CACNA1D: variants seen among roughly 807,000 people sequenced by gnomAD.
CACNA1D encodes voltage-dependent L-type calcium channel subunit alpha-1D.
Under a neutral mutation model 257.1 loss-of-function variants are expected in CACNA1D, and 55 were observed. The ratio of observed to expected loss-of-function variants is 0.21; its 90% CI spans 0.17 to 0.27. The LOEUF (loss-of-function observed/expected upper bound fraction) is 0.27, where lower values mean the gene tolerates loss of function less well. Ranked by LOEUF, CACNA1D falls within the 10% of genes least tolerant of loss-of-function variation. The pLI is 1.00. For missense variants in CACNA1D, 1,876 were observed against 2,784.0 expected (o/e 0.67, Z 7.34); for synonymous variants, 980 against 1,014.9 (o/e 0.97, Z 0.65).
chr3:53,631,187 C>T (rs1001670183), intron 3 of CACNA1D, among the ~76,000 whole-genome samples: 1 of 152,184 alleles, frequency 6.6e-6, no homozygotes, highest in Admixed American at 6.5e-5. Context: ...TGCTGTTTGA[C>T]CGCATTTTAC....
chr3:53,707,794 T>A (rs2094706274), intron 9 of CACNA1D, among the ~76,000 whole-genome samples: 1 of 146,962 alleles, frequency 6.8e-6, no homozygotes, highest in Non-Finnish European at 1.5e-5. Context: ...TGATTAGTCT[T>A]AAAAAAAAAA....
At chr3:53,635,932 G>C (rs942615038) in intron 3 of CACNA1D, among the ~76,000 whole-genome samples, 13 of 152,164 alleles carry the variant, frequency 8.5e-5, no homozygotes, top group African/African-American at 2.9e-4. Flanking sequence ...TAGCTGGAGA[G>C]ACTGTCCTTG....
At chr3:53,572,791 GTC>G (rs756209534) in intron 3 of CACNA1D, among the ~76,000 whole-genome samples, 88 of 152,266 alleles carry the variant, frequency 5.8e-4, no homozygotes, top group Admixed American at 1.2e-3. Flanking sequence ...TGTGCCTCCA[GTC>G]TCTTCTCCAC....
chr3:53,614,412 A>G (rs1365888046), intron 3 of CACNA1D, among the ~76,000 whole-genome samples: 1 of 152,116 alleles, frequency 6.6e-6, no homozygotes, highest in Non-Finnish European at 1.5e-5. Context: ...GAGGCGCTCC[A>G]TTTAGAAACT....
chr3:53,516,309 G>A (rs1224848933), intron 3 of CACNA1D, among the ~76,000 whole-genome samples: 5 of 152,206 alleles, frequency 3.3e-5, no homozygotes, highest in African/African-American at 9.6e-5. Context: ...CAGTCACACG[G>A]CACACCTGTT....
chr3:53,719,247 T>A (rs955499285), intron 10 of CACNA1D, among the ~76,000 whole-genome samples: 1 of 152,210 alleles, frequency 6.6e-6, no homozygotes, highest in Admixed American at 6.5e-5. Flanking sequence ...TGAAGTGATT[T>A]TGCCTCCATT....
chr3:53,526,294 T>C (rs9311502), intron 3 of CACNA1D, among the ~76,000 whole-genome samples: 47,622 of 152,070 alleles, frequency 0.31, 8,688 homozygotes, highest in African/African-American at 0.51. Context: ...GTATTGGTTA[T>C]TGGGGAAAGG....
chr3:53,780,235 G>T, intron 38 of CACNA1D, 107 bp downstream of exon 38: 1 of 894,868 alleles, frequency 1.1e-6, no homozygotes, highest in Non-Finnish European at 1.9e-6. Flanking sequence ...GGAGGCCCTG[G>T]GGAAGGGGCT....
At chr3:53,633,216 G>A (rs966213226) in intron 3 of CACNA1D, among the ~76,000 whole-genome samples, 1 of 152,326 alleles carries the variant, frequency 6.6e-6, no homozygotes, top group Admixed American at 6.5e-5. Context: ...GCAAGGGCTG[G>A]GTGTGGTGGC....
At chr3:53,562,164 A>G (rs1446889629) in intron 3 of CACNA1D, among the ~76,000 whole-genome samples, 1 of 152,218 alleles carries the variant, frequency 6.6e-6, no homozygotes, top group Non-Finnish European at 1.5e-5. Flanking sequence ...GAGAGTATTT[A>G]GAAATCTGTG....
intron 43 of CACNA1D, 142 bp downstream of exon 43, chr3:53,802,315 GT>G: frequency 2.5e-6 from 2 of 796,630 alleles, no homozygotes; most frequent in South Asian, 2.8e-5. Context: ...GGACTCAGAG[GT>G]CAGAGGTTGT....
rs1356852729 is a variant in CACNA1D, at chr3:53,812,282, A to G, written c.*876A>G. On this transcript the variant is annotated 3_prime_UTR_variant, in exon 48 of 48. Transcript: ENST00000350061. Reference sequence around the variant, plus strand: ...GTCCTAATAATTGTAGTTCCCCACTAAAATCTAGAAATTATTAGTATTTTT... The same window carrying G: ...GTCCTAATAATTGTAGTTCCCCACTGAAATCTAGAAATTATTAGTATTTTT... 6.6e-6 allele frequency: 1 copy of G among 152,236 alleles called. No homozygotes were observed. Among genetic ancestry groups the G allele is most frequent in the Non-Finnish European group, 1.5e-5 (1 of 68,036 alleles). 9.4% of individuals were successfully genotyped at this position (152,236 alleles called of 1,614,324 possible).
chr3:53,498,082 G>A (rs1450193439), intron 2 of CACNA1D, among the ~76,000 whole-genome samples: 3 of 152,130 alleles, frequency 2.0e-5, no homozygotes, highest in Non-Finnish European at 2.9e-5. Flanking sequence ...TAACTTCCTG[G>A]AATTTCCTTT....
intron 5 of CACNA1D, among the ~76,000 whole-genome samples, chr3:53,664,924 T>G (rs1192891945): frequency 6.6e-6 from 1 of 152,228 alleles, no homozygotes; most frequent in African/African-American, 2.4e-5. Flanking sequence ...GGAGTTGTTG[T>G]CGGTCAGCAG....
intron 37 of CACNA1D, 151 bp from the exon 38 acceptor site, chr3:53,779,875 C>A: frequency 2.9e-6 from 2 of 680,714 alleles, no homozygotes; most frequent in Non-Finnish European, 2.7e-6. Flanking sequence ...CCTAAATTAA[C>A]CATCATATGC....
intron 27 of CACNA1D, 36 bp downstream of exon 27, chr3:53,749,505 G>T (rs201364354): frequency 5.5e-6 from 8 of 1,454,094 alleles, no homozygotes; most frequent in Non-Finnish European, 7.7e-6. Context: ...TCTGTCCCTT[G>T]GTCAGGAGCG....
intron 28 of CACNA1D, among the ~76,000 whole-genome samples, chr3:53,753,047 A>G (rs1331884182): frequency 1.3e-5 from 2 of 152,228 alleles, no homozygotes; most frequent in African/African-American, 4.8e-5. Flanking sequence ...ACCAGCTCTC[A>G]GTGCTGTCTG....
chr3:53,775,768 T>A (rs970270618), intron 34 of CACNA1D, 118 bp from the exon 35 acceptor site: 2 of 981,826 alleles, frequency 2.0e-6, no homozygotes, highest in African/African-American at 3.2e-5. Flanking sequence ...TAATTCAAAT[T>A]GGATTTTCTT....
intron 40 of CACNA1D, among the ~76,000 whole-genome samples, chr3:53,790,663 G>A (rs1361824728): frequency 1.3e-5 from 2 of 152,242 alleles, no homozygotes; most frequent in African/African-American, 4.8e-5. Flanking sequence ...GGTGGTTGAG[G>A]GGAGATGTGG....
Sources: allele counts gnomAD v4.1 joint callset (sites outside exome capture counted in the v4.1 genomes callset), GRCh38; gene constraint gnomAD v4.1.1; transcripts MANE v1.5; gene names NCBI Gene and HGNC (gene_info 2026-07-23, HGNC 2026-07-21).